N4BP1: variants seen among roughly 807,000 people sequenced by gnomAD.
The protein encoded by N4BP1 is NEDD4-binding protein 1.
In N4BP1, 21 loss-of-function variants were observed where a neutral mutation model predicts 70.9. The ratio of observed to expected loss-of-function variants is 0.30; its 90% CI spans 0.21 to 0.43. The LOEUF (loss-of-function observed/expected upper bound fraction) is 0.43, where lower values mean the gene tolerates loss of function less well. N4BP1 is among the 20% of genes least tolerant of loss of function. The pLI, the probability that N4BP1 is intolerant of heterozygous loss-of-function variation, is 1.00. For missense variants in N4BP1, 936 were observed against 1,069.4 expected, an observed-to-expected ratio of 0.88 and a Z score of 1.74; for synonymous variants, 387 against 394.6, an observed-to-expected ratio of 0.98 and a Z score of 0.23.
chr16:48,555,011 C>CTA (rs2151087459), intron 2 of N4BP1, among the ~76,000 whole-genome samples: 1 of 152,306 alleles, frequency 6.6e-6, no homozygotes, highest in Admixed American at 6.5e-5. Context: ...CCAGGTCTTG[C>CTA]TATCTCACCC....
intron 4 of N4BP1, among the ~76,000 whole-genome samples, chr16:48,548,508 C>A (rs4785522): frequency 0.13 from 19,629 of 152,106 alleles, 2,350 homozygotes; most frequent in East Asian, 0.64. Flanking sequence ...CTAAGATTAG[C>A]TGTTTAGTAC....
At chr16:48,569,853 T>C (rs114875500) in intron 1 of N4BP1, among the ~76,000 whole-genome samples, 2,584 of 152,292 alleles carry the variant, frequency 0.017, 76 homozygotes, top group African/African-American at 0.059. Context: ...AAGGGGATCA[T>C]GAACAACTTC....
chr16:48,550,921 GAA>G (rs111917199), intron 4 of N4BP1, among the ~76,000 whole-genome samples: 2 of 133,336 alleles, frequency 1.5e-5, no homozygotes. Flanking sequence ...TCCATCTCAA[GAA>G]AAAAAAAAAA....
At chr16:48,552,644 G>GC (rs1567427941) in intron 3 of N4BP1, among the ~76,000 whole-genome samples, 1 of 134,936 alleles carries the variant, frequency 7.4e-6, no homozygotes, top group Admixed American at 8.2e-5. Flanking sequence ...GTTGCAGTGA[G>GC]CCGAGATCAT....
chr16:48,568,981 A>G (rs569883175), intron 1 of N4BP1, among the ~76,000 whole-genome samples: 1 of 152,356 alleles, frequency 6.6e-6, no homozygotes, highest in East Asian at 1.9e-4. Context: ...CTTTTTCAGC[A>G]TCACATGCTT....
chr16:48,589,539 C>T (rs1183561455), intron 1 of N4BP1, among the ~76,000 whole-genome samples: 1 of 152,158 alleles, frequency 6.6e-6, no homozygotes, highest in African/African-American at 2.4e-5. Context: ...TTGCCCTATG[C>T]ATCGCTTCAT....
chr16:48,558,317 TAAAA>T (rs35338858), intron 2 of N4BP1, among the ~76,000 whole-genome samples: 2 of 139,188 alleles, frequency 1.4e-5, no homozygotes, highest in South Asian at 2.2e-4. Flanking sequence ...AAAGAAGAAA[TAAAA>T]AAAGAAAGCT....
At chr16:48,588,021 A>AT (rs1409499034) in intron 1 of N4BP1, among the ~76,000 whole-genome samples, 1 of 151,992 alleles carries the variant, frequency 6.6e-6, no homozygotes, top group Non-Finnish European at 1.5e-5. Context: ...ATAAGAACAG[A>AT]TAAAAACAAA....
At chr16:48,573,832 A>G (rs950780034) in intron 1 of N4BP1, among the ~76,000 whole-genome samples, 2 of 152,216 alleles carry the variant, frequency 1.3e-5, no homozygotes, top group Admixed American at 1.3e-4. Flanking sequence ...TAATAAAGTA[A>G]GCTAGAGAAA....
chr16:48,587,377 T>A (rs1003903853), intron 1 of N4BP1: 1 of 152,250 alleles, frequency 6.6e-6, no homozygotes, highest in Non-Finnish European at 1.5e-5. Context: ...AATGACTGAA[T>A]GAATTAATGA....
At chr16:48,583,656 C>A (rs1198138107) in intron 1 of N4BP1, among the ~76,000 whole-genome samples, 3 of 152,180 alleles carry the variant, frequency 2.0e-5, no homozygotes, top group Admixed American at 1.3e-4. Context: ...ATAATAAATA[C>A]AATTTTATCT....
chr16:48,551,631 A>T, intron 3 of N4BP1, 149 bp from the exon 4 acceptor site: 4 of 403,860 alleles, frequency 9.9e-6, no homozygotes, highest in African/African-American at 2.3e-5. Context: ...ACTAGGAATT[A>T]AAAAAAAAAC....
intron 1 of N4BP1, among the ~76,000 whole-genome samples, chr16:48,586,922 G>A (rs550313659): frequency 2.6e-4 from 40 of 151,878 alleles, no homozygotes; most frequent in Non-Finnish European, 4.7e-4. Context: ...AGGCCTTAGC[G>A]CCTTGTCAAT....
rs1455621420 is a variant in N4BP1 at position 48,561,390 on chromosome 16, G to A, written c.1253C>T (p.Thr418Ile). Residue 418 changes from threonine (T) to isoleucine (I), a missense_variant, in exon 2 of 7, where the codon ACA becomes ATA. Physicochemically the swap from Thr to Ile is moderately conservative, Grantham distance 89. This residue lies in a region of N4BP1 where 515 missense variants were observed against 491.7 expected (regional missense o/e 1.05). Transcript: ENST00000262384. The part of the protein sequence containing the change: ...KTKNKGVYSS[T>I]NELTTDSTPK... Reference sequence around the variant, plus strand: ...AGTGGAATCAGTTGTAAGCTCATTTGTGCTGCTATAAACACCTTTATTTTT... The same window carrying A: ...AGTGGAATCAGTTGTAAGCTCATTTATGCTGCTATAAACACCTTTATTTTT... 2 of 1,613,908 alleles carry A rather than the reference G, an allele frequency of 1.2e-6. No individual in the cohort carries two copies. Among genetic ancestry groups the A allele is most frequent in the Non-Finnish European group, 1.7e-6 (2 of 1,179,858 alleles).
At chr16:48,563,686 T>G (rs1182352032) in intron 1 of N4BP1, among the ~76,000 whole-genome samples, 1 of 152,182 alleles carries the variant, frequency 6.6e-6, no homozygotes, top group African/African-American at 2.4e-5. Flanking sequence ...ACAGTCTATA[T>G]CCTATGATTT....
At chr16:48,573,890 A>G (rs922181555) in intron 1 of N4BP1, among the ~76,000 whole-genome samples, 7 of 152,206 alleles carry the variant, frequency 4.6e-5, no homozygotes, top group African/African-American at 1.7e-4. Context: ...TGTGTTTACT[A>G]TTCATTAAGT....
chr16:48,583,599 G>T (rs902764839), intron 1 of N4BP1, among the ~76,000 whole-genome samples: 3 of 152,176 alleles, frequency 2.0e-5, no homozygotes, highest in Admixed American at 6.5e-5. Flanking sequence ...TAATTAGCTA[G>T]CTTTAACCAT....
At chr16:48,608,727 T>G (rs1275360011) in intron 1 of N4BP1, among the ~76,000 whole-genome samples, 4 of 150,292 alleles carry the variant, frequency 2.7e-5, no homozygotes, top group African/African-American at 9.8e-5. Flanking sequence ...AGTCACCACT[T>G]TGAGTTTCAG....
chr16:48,600,540 T>G, intron 1 of N4BP1: 1 of 584,642 alleles, frequency 1.7e-6, no homozygotes, highest in Non-Finnish European at 3.3e-6. Context: ...ATCAAACAGG[T>G]CAAGCAAAAC....
Sources: gnomAD v4.1 joint callset for allele counts (sites outside exome capture counted in the v4.1 genomes callset) on GRCh38, gnomAD v4.1.1 for gene constraint, gnomAD v4.1.1 regional missense constraint, MANE v1.5 for transcripts, NCBI Gene and HGNC (gene_info 2026-07-23, HGNC 2026-07-21) for gene names.